KCNH8: variants seen among roughly 807,000 people sequenced by gnomAD.
KCNH8 encodes potassium voltage-gated channel subfamily H member 8.
Under a neutral mutation model 103.6 loss-of-function variants are expected in KCNH8, and 70 were observed. The ratio of observed to expected loss-of-function variants is 0.68; its 90% CI spans 0.56 to 0.82. The LOEUF is 0.82. Among genes scored for constraint, KCNH8 ranks in the 40% least tolerant of loss-of-function variants. The pLI, the probability that KCNH8 is intolerant of heterozygous loss-of-function variation, is 0.00. For synonymous variants in KCNH8, 498 were observed against 489.4 expected (o/e 1.02, Z -0.23); for missense variants, 1,217 against 1,329.9 (o/e 0.92, Z 1.32).
chr3:19,370,591 A>C (rs1414999019), intron 5 of KCNH8, among the ~76,000 whole-genome samples: 1 of 152,028 alleles, frequency 6.6e-6, no homozygotes, highest in East Asian at 1.9e-4. Context: ...ATAAAATACA[A>C]AGACTGTATA....
At chr3:19,183,056 G>A (rs551550375) in intron 1 of KCNH8, among the ~76,000 whole-genome samples, 2 of 152,234 alleles carry the variant, frequency 1.3e-5, no homozygotes, top group African/African-American at 4.8e-5. Flanking sequence ...GATTAAAGGT[G>A]TTTATCTAAA....
chr3:19,285,148 ATTAAT>A (rs1304131674), intron 3 of KCNH8, among the ~76,000 whole-genome samples: 1 of 151,668 alleles, frequency 6.6e-6, no homozygotes, highest in Non-Finnish European at 1.5e-5. Flanking sequence ...TTAAAATTAA[ATTAAT>A]TTAATTAAAT....
chr3:19,333,211 T>C (rs1048809845), intron 3 of KCNH8, among the ~76,000 whole-genome samples: 1 of 152,182 alleles, frequency 6.6e-6, no homozygotes, highest in African/African-American at 2.4e-5. Context: ...GGTTTTCTTA[T>C]TGTTGAGTAT....
At chr3:19,364,302 G>C (rs754295440) in intron 5 of KCNH8, among the ~76,000 whole-genome samples, 1 of 152,038 alleles carries the variant, frequency 6.6e-6, no homozygotes, top group Non-Finnish European at 1.5e-5. Flanking sequence ...AGCCATTCAC[G>C]CTAATCTAGG....
At chr3:19,280,924 A>G (rs1365737417) in intron 2 of KCNH8, among the ~76,000 whole-genome samples, 4 of 152,110 alleles carry the variant, frequency 2.6e-5, no homozygotes, top group Non-Finnish European at 1.5e-5. Context: ...GAGGAAATGC[A>G]GTTTGAATAA....
rs2065389271 is a variant in KCNH8 at position 19,324,151 on chromosome 3, A to G, written c.443-18436A>G. 2.0e-5 allele frequency among the ~76,000 whole-genome samples: 3 copies of G among 151,970 alleles called. No individual in the cohort carries two copies. In the South Asian group the frequency reaches 6.3e-4, roughly 32 times the overall value. The stretch of plus-strand genomic sequence containing the variant: ...CAGGGTTAGGTGTGTCTGAGCTCAT[A>G]CTTTCTTTGGGCAGGTCTTGGTGTG... On this transcript the variant is annotated intron_variant, in intron 3 of 15. Transcript: ENST00000328405.
At chr3:19,338,117 T>C (rs1056793215) in intron 3 of KCNH8, among the ~76,000 whole-genome samples, 1 of 152,074 alleles carries the variant, frequency 6.6e-6, no homozygotes, top group African/African-American at 2.4e-5. Flanking sequence ...CTTTTATCAC[T>C]GCACTTATAG....
intron 1 of KCNH8, among the ~76,000 whole-genome samples, chr3:19,171,895 A>G (rs2063352621): frequency 6.6e-6 from 1 of 152,184 alleles, no homozygotes; most frequent in Non-Finnish European, 1.5e-5. Flanking sequence ...TTAATTGTCA[A>G]GGATCTTCAT....
chr3:19,188,172 T>G (rs953767999), intron 1 of KCNH8, among the ~76,000 whole-genome samples: 8 of 152,136 alleles, frequency 5.3e-5, no homozygotes, highest in African/African-American at 1.9e-4. Flanking sequence ...GCACAATTTT[T>G]GTTTCTGTAA....
chr3:19,515,018 G>A (rs2125243971), intron 13 of KCNH8, among the ~76,000 whole-genome samples: 1 of 151,682 alleles, frequency 6.6e-6, no homozygotes, highest in South Asian at 2.1e-4. Flanking sequence ...TTATTTGACT[G>A]AATATGTTCC....
intron 7 of KCNH8, among the ~76,000 whole-genome samples, chr3:19,428,717 A>G (rs905365797): frequency 6.6e-6 from 1 of 152,242 alleles, no homozygotes; most frequent in African/African-American, 2.4e-5. Context: ...GTAAACTTAC[A>G]TTACATAACC....
At chr3:19,356,381 C>G (rs756363288) in intron 5 of KCNH8, among the ~76,000 whole-genome samples, 13 of 151,990 alleles carry the variant, frequency 8.6e-5, no homozygotes, top group Non-Finnish European at 8.8e-5. Flanking sequence ...CAAAAACATT[C>G]TTCCCATGTA....
rs911662892 is a variant in KCNH8, at chr3:19,450,050, G to A, written c.1376-56G>A. 46 of 1,405,658 alleles carry A rather than the reference G, an allele frequency of 3.3e-5. 1 individual carries two copies. Among genetic ancestry groups the A allele is most frequent in the South Asian group, 1.1e-4 (9 of 83,586 alleles). The allele number at this position is 1,405,658 out of a possible 1,614,324, so 87.1% of individuals were successfully genotyped here. The stretch of plus-strand genomic sequence containing the variant: ...GGATAAACTGTAAATTTAGATTTAC[G>A]TGGTGGGCCTCATGTCACATTTCTC... On this transcript the variant is annotated intron_variant, in intron 8 of 15. Coordinates refer to ENST00000328405, the MANE Select transcript of KCNH8 (RefSeq NM_144633.3).
intron 11 of KCNH8, 109 bp downstream of exon 11, chr3:19,457,091 T>C (rs569244462): frequency 3.1e-6 from 2 of 650,248 alleles, no homozygotes; most frequent in Non-Finnish European, 5.2e-6. Flanking sequence ...TCTCTGAATA[T>C]CTAAGACGTG....
chr3:19,284,222 G>C (rs749975933), intron 3 of KCNH8, among the ~76,000 whole-genome samples: 2 of 152,010 alleles, frequency 1.3e-5, no homozygotes, highest in Non-Finnish European at 2.9e-5. Flanking sequence ...CATCTAAGTT[G>C]TAGGAATAAG....
intron 15 of KCNH8, among the ~76,000 whole-genome samples, chr3:19,530,390 T>C (rs1446499253): frequency 1.3e-5 from 2 of 152,116 alleles, no homozygotes; most frequent in Admixed American, 6.6e-5. Context: ...TGTATTCATA[T>C]ATAAAATATC....
Position 19,423,897 on chromosome 3 carries a change from C to T in KCNH8, c.1178-14267C>T, listed in dbSNP as rs146573923. On this transcript the variant is annotated intron_variant, in intron 7 of 15. Coordinates refer to ENST00000328405, the MANE Select transcript of KCNH8 (RefSeq NM_144633.3). ...TGGTTTTACTAGTTTACATTCCCAC[C>T]AGCAGTGTAAAAGTAGTCCCTTTTC... is the stretch of plus-strand genomic sequence containing the variant. 9.5e-4 allele frequency among the ~76,000 whole-genome samples: 145 copies of T among 152,178 alleles called. 1 individual carries two copies. Among genetic ancestry groups the T allele is most frequent in the African/African-American group, 3.3e-3 (139 of 41,542 alleles).
intron 7 of KCNH8, among the ~76,000 whole-genome samples, chr3:19,410,746 C>T (rs1035188865): frequency 7.3e-5 from 11 of 151,678 alleles, no homozygotes; most frequent in Admixed American, 2.6e-4. Flanking sequence ...TGGACACAAA[C>T]TAAAAATCTA....
In KCNH8 at chr3:19,367,394, C is replaced by CTA. The variant is rs1235622472; in HGVS notation, c.811+19439_811+19440dup. On this transcript the variant is annotated intron_variant, in intron 5 of 15. Coordinates refer to ENST00000328405, the MANE Select transcript of KCNH8 (RefSeq NM_144633.3). The stretch of plus-strand genomic sequence containing the variant: ...GTGTACCCCCACTCTCTCTCTCTCT[C>CTA]TATATATATATTTATATATATATCA... Among the ~76,000 whole-genome samples the CTA allele has an allele frequency of 1.7e-3, 244 of 144,702 alleles. 2 individuals are homozygous for CTA. Among genetic ancestry groups the CTA allele is most frequent in the African/African-American group, 5.8e-3 (231 of 39,602 alleles). The allele number at this position is 144,702 out of a possible 152,430, so 94.9% of individuals were successfully genotyped here. A position where few individuals can be genotyped will look rare whatever the true frequency, so the allele number is the denominator to read the frequency against.
Sources: gnomAD v4.1 joint callset for allele counts (sites outside exome capture counted in the v4.1 genomes callset) on GRCh38, gnomAD v4.1.1 for gene constraint, MANE v1.5 for transcripts, NCBI Gene and HGNC (gene_info 2026-07-23, HGNC 2026-07-21) for gene names.